Variants in SLC24A3 observed in about 807,000 individuals in gnomAD.
SLC24A3 encodes the protein solute carrier family 24 member 3.
SLC24A3 carries 28 observed loss-of-function variants against 75.8 expected under a neutral mutation model. The ratio of observed to expected loss-of-function variants is 0.37; its 90% CI spans 0.27 to 0.51. SLC24A3 has a LOEUF of 0.51. SLC24A3 is among the 20% of genes least tolerant of loss of function. SLC24A3 has a pLI of 0.94. For synonymous variants in SLC24A3, 372 were observed against 334.1 expected (o/e 1.11, Z -1.24); for missense variants, 663 against 847.8 (o/e 0.78, Z 2.71).
chr20:19,536,720 C>T (rs112808061), intron 3 of SLC24A3, among the ~76,000 whole-genome samples: 14,811 of 152,042 alleles, frequency 0.097, 781 homozygotes, highest in South Asian at 0.11. Context: ...GAAATAATGC[C>T]GCATATCTAC....
At chr20:19,572,368 A>C (rs147230633) in intron 3 of SLC24A3, among the ~76,000 whole-genome samples, 1 of 152,202 alleles carries the variant, frequency 6.6e-6, no homozygotes, top group Non-Finnish European at 1.5e-5. Flanking sequence ...AAAAGAAAAA[A>C]ACAGGTCCAT....
At chr20:19,677,200 C>T (rs938449987) in intron 9 of SLC24A3, among the ~76,000 whole-genome samples, 2 of 151,264 alleles carry the variant, frequency 1.3e-5, no homozygotes, top group African/African-American at 4.9e-5. Context: ...TAGTGCATGC[C>T]TGTGATCCCA....
intron 2 of SLC24A3, among the ~76,000 whole-genome samples, chr20:19,439,959 C>A (rs530699072): frequency 6.6e-6 from 1 of 152,078 alleles, no homozygotes; most frequent in Non-Finnish European, 1.5e-5. Context: ...GGGTTTCTGA[C>A]GGGATGTTGG....
At chr20:19,705,565 C>G (rs1399548688) in intron 15 of SLC24A3, among the ~76,000 whole-genome samples, 1 of 152,188 alleles carries the variant, frequency 6.6e-6, no homozygotes, top group Non-Finnish European at 1.5e-5. Flanking sequence ...ATTTCCAAAA[C>G]GACACTCAAA....
chr20:19,387,191 T>C (rs1317795311), intron 2 of SLC24A3, among the ~76,000 whole-genome samples: 7 of 152,124 alleles, frequency 4.6e-5, no homozygotes, highest in Non-Finnish European at 8.8e-5. Flanking sequence ...TATTGTAATG[T>C]TTCCTCTTTT....
At chr20:19,452,521 T>G (rs1350852807) in intron 2 of SLC24A3, among the ~76,000 whole-genome samples, 2 of 151,582 alleles carry the variant, frequency 1.3e-5, no homozygotes, top group East Asian at 3.9e-4. Context: ...TGGGAAAGAC[T>G]GAGGCACTTG....
chr20:19,687,847 C>G (rs1447195664), intron 12 of SLC24A3, among the ~76,000 whole-genome samples: 1 of 152,154 alleles, frequency 6.6e-6, no homozygotes, highest in Non-Finnish European at 1.5e-5. Flanking sequence ...CTCTGTCTCA[C>G]TGTGATTAGG....
At chr20:19,317,447 C>A (rs1045672428) in intron 2 of SLC24A3, among the ~76,000 whole-genome samples, 1 of 152,166 alleles carries the variant, frequency 6.6e-6, no homozygotes, top group Admixed American at 6.5e-5. Context: ...TGCAAGATGA[C>A]TCCCCTGTGA....
intron 2 of SLC24A3, among the ~76,000 whole-genome samples, chr20:19,360,693 G>C (rs1985769577): frequency 6.6e-6 from 1 of 152,224 alleles, no homozygotes; most frequent in African/African-American, 2.4e-5. Context: ...CTCAACATGT[G>C]ATTGTCAACA....
intron 2 of SLC24A3, among the ~76,000 whole-genome samples, chr20:19,362,928 A>C (rs780747748): frequency 2.6e-5 from 4 of 152,236 alleles, no homozygotes; most frequent in Non-Finnish European, 4.4e-5. Flanking sequence ...AATGTAGCTG[A>C]AATCACTCAG....
chr20:19,428,122 G>T (rs992105937), intron 2 of SLC24A3, among the ~76,000 whole-genome samples: 9 of 152,176 alleles, frequency 5.9e-5, no homozygotes, highest in Non-Finnish European at 1.2e-4. Flanking sequence ...TGTGTCTCGT[G>T]CACATTCCTC....
intron 7 of SLC24A3, among the ~76,000 whole-genome samples, chr20:19,658,928 A>ATTT (rs1428002576): frequency 6.6e-6 from 1 of 152,222 alleles, no homozygotes; most frequent in East Asian, 1.9e-4. Context: ...GCAGACGGAC[A>ATTT]GTTTTTTGTA....
intron 2 of SLC24A3, among the ~76,000 whole-genome samples, chr20:19,349,252 T>C (rs1985509514): frequency 6.6e-6 from 1 of 152,196 alleles, no homozygotes; most frequent in Admixed American, 6.5e-5. Context: ...CAAGCAATCC[T>C]CTCTCCTTGC....
chr20:19,454,284 C>T (rs1987541759), intron 2 of SLC24A3, among the ~76,000 whole-genome samples: 1 of 152,228 alleles, frequency 6.6e-6, no homozygotes, highest in African/African-American at 2.4e-5. Flanking sequence ...CTCTAAACCT[C>T]TGATCCATAA....
chr20:19,316,099 C>A (rs1984579311), intron 2 of SLC24A3, among the ~76,000 whole-genome samples: 2 of 152,158 alleles, frequency 1.3e-5, no homozygotes, highest in Non-Finnish European at 2.9e-5. Context: ...ATCACCAAAG[C>A]CTATTGAACC....
chr20:19,403,667 A>C (rs1249532956), intron 2 of SLC24A3, among the ~76,000 whole-genome samples: 1 of 152,174 alleles, frequency 6.6e-6, no homozygotes, highest in African/African-American at 2.4e-5. Flanking sequence ...AATAGCATTT[A>C]AGTAGGAGTT....
intron 3 of SLC24A3, among the ~76,000 whole-genome samples, chr20:19,558,217 A>G (rs1258326803): frequency 6.6e-6 from 1 of 152,056 alleles, no homozygotes; most frequent in African/African-American, 2.4e-5. Context: ...CACAAAGAAA[A>G]TATCATTTTT....
chr20:19,638,710 T>C (rs1178672952), intron 6 of SLC24A3, among the ~76,000 whole-genome samples: 1 of 152,154 alleles, frequency 6.6e-6, no homozygotes, highest in African/African-American at 2.4e-5. Flanking sequence ...AATTAATAGC[T>C]TGCTCAAGGC....
intron 6 of SLC24A3, among the ~76,000 whole-genome samples, chr20:19,605,687 T>G (rs920146139): frequency 6.6e-6 from 1 of 152,140 alleles, no homozygotes; most frequent in South Asian, 2.1e-4. Flanking sequence ...TTTCGACGTC[T>G]TCCCCAGAAA....
Sources: allele counts gnomAD v4.1 joint callset (sites outside exome capture counted in the v4.1 genomes callset), GRCh38; gene constraint gnomAD v4.1.1; transcripts MANE v1.5; gene names NCBI Gene and HGNC (gene_info 2026-07-23, HGNC 2026-07-21).